NOX5: variants seen among roughly 807,000 people sequenced by gnomAD.
NOX5 encodes NADPH oxidase 5, also known as NADPH oxidase, EF-hand calcium binding domain 5.
NOX5 carries 76 observed loss-of-function variants against 85.7 expected under a neutral mutation model. The ratio of observed to expected loss-of-function variants is 0.89; its 90% CI spans 0.74 to 1.07. The LOEUF (loss-of-function observed/expected upper bound fraction) is 1.07, where lower values mean the gene tolerates loss of function less well. Ranked by LOEUF, NOX5 falls within the 50% of genes least tolerant of loss-of-function variation. The probability of loss-of-function intolerance (pLI) is 0.00; values close to 1 mark genes in which losing one functional copy is unlikely to be tolerated. For synonymous variants in NOX5, 405 were observed against 401.4 expected (o/e 1.01, Z -0.11); for missense variants, 973 against 999.5 (o/e 0.97, Z 0.36).
intron 10 of NOX5, among the ~76,000 whole-genome samples, chr15:69,045,586 C>CTTTCT (rs764805392): frequency 9.9e-4 from 84 of 84,994 alleles, no homozygotes; most frequent in Admixed American, 2.3e-3. Context: ...TCTTTCTTTT[C>CTTTCT]TTTCTTTCTT....
In NOX5 at chr15:69,055,480, G is replaced by C. The variant is rs567904993; in HGVS notation, c.2146G>C (p.Gly716Arg). The C allele has an allele frequency of 2.5e-6, 4 of 1,614,068 alleles. No homozygotes were observed. The highest frequency in any genetic ancestry group is 2.7e-5 in the African/African-American group (2 of 75,068). ...ITGLQTRTQP[G>R]RPDWSKVFQK... The stretch of plus-strand genomic sequence containing the variant: ...GGGGCTGCAGACGCGCACCCAGCCT[G>C]GGCGGCCTGACTGGAGCAAGGTAAT... Residue 716 changes from glycine (G) to arginine (R), a missense_variant, in exon 15 of 16, where the codon GGG becomes CGG. Transcript: ENST00000388866.
At chr15:69,047,189 T>G (rs1336158481) in intron 11 of NOX5, 9 of 607,600 alleles carry the variant, frequency 1.5e-5, no homozygotes, top group Non-Finnish European at 2.2e-5. Flanking sequence ...GTCCTTGTTT[T>G]CACTAGCTCT....
chr15:69,035,878 T>C lies in NOX5; in HGVS notation c.1130T>C (p.Leu377Pro). The C allele has an allele frequency of 1.2e-6, 2 of 1,614,174 alleles. No homozygotes were observed. Among genetic ancestry groups the C allele is most frequent in the African/African-American group, 1.3e-5 (1 of 75,074 alleles). Residue 377 changes from leucine (L) to proline (P), a missense_variant, in exon 7 of 16, where the codon CTG becomes CCG. By Grantham distance (98) the Leu-to-Pro change is moderately conservative. Coordinates refer to ENST00000388866, the MANE Select transcript of NOX5 (RefSeq NM_024505.4). ...CCGACAGGTGTCGCTCTGCTGCTGC[T>C]GCTCCTCCTCATGTTCATCTGCTCC... is the stretch of plus-strand genomic sequence containing the variant. ...ASPTGVALLL[L>P]LLLMFICSSS...
chr15:69,032,190 C>G (rs2050444393), intron 4 of NOX5, among the ~76,000 whole-genome samples: 2 of 152,210 alleles, frequency 1.3e-5, no homozygotes, highest in South Asian at 2.1e-4. Flanking sequence ...ATGCAGCAGG[C>G]ACTGTTCTGA....
chr15:69,043,474 C>A (rs1018259782), intron 10 of NOX5: 7 of 152,150 alleles, frequency 4.6e-5, no homozygotes, highest in African/African-American at 1.2e-4. Context: ...CATATGAAAA[C>A]CCTGCCATAG....
At chr15:69,053,242 T>C (rs1476467023) in intron 14 of NOX5, among the ~76,000 whole-genome samples, 1 of 152,250 alleles carries the variant, frequency 6.6e-6, no homozygotes, top group Admixed American at 6.5e-5. Context: ...GCATATTATT[T>C]AACTAGTTTG....
In NOX5 at chr15:69,026,540, C is replaced by G; in HGVS notation, c.63C>G (p.Ala21=). The stretch of plus-strand genomic sequence containing the variant: ...CTTTGCCTCCCAGCACCATGAGTGC[C>G]GAGGAGGATGCCAGGTGGCTCCGGT... The part of the protein sequence containing the change: ...GPEGCRGTMS[A]EEDARWLRWV... Residue 21 remains alanine (A), a synonymous_variant, in exon 2 of 16, where the codon GCC becomes GCG. Coordinates refer to ENST00000388866, the MANE Select transcript of NOX5 (RefSeq NM_024505.4). The G allele has an allele frequency of 1.9e-6, 3 of 1,614,080 alleles. No individual in the cohort carries two copies. Among genetic ancestry groups the G allele is most frequent in the East Asian group, 2.2e-5 (1 of 44,870 alleles).
chr15:69,031,649 T>C lies in NOX5; in HGVS notation c.457T>C (p.Cys153Arg), dbSNP rs769279947. The change falls in exon 4 of 16, where the codon TGT becomes CGT. Residue 153 changes from cysteine to arginine, a missense_variant. Physicochemically the swap from Cys to Arg is radical, Grantham distance 180. Transcript: ENST00000388866. ...PDELRTVLQS[C>R]LRESAISLPD... The stretch of plus-strand genomic sequence containing the variant: ...TGAGCTGCGCACTGTGCTGCAGTCG[T>C]GTCTGCGCGAGAGCGCCATCTCGCT... 1.2e-6 allele frequency: 2 copies of C among 1,613,386 alleles called. No homozygotes were observed.
intron 10 of NOX5, among the ~76,000 whole-genome samples, chr15:69,046,553 T>C (rs2050675974): frequency 6.6e-6 from 1 of 152,212 alleles, no homozygotes; most frequent in African/African-American, 2.4e-5. Context: ...ACACAGTTGT[T>C]ATGGTGGGAG....
Position 69,042,668 on chromosome 15 carries a change from A to G in NOX5, c.1510A>G (p.Ile504Val), listed in dbSNP as rs1312291321. 1.2e-5 allele frequency: 20 copies of G among 1,613,060 alleles called. No individual in the cohort carries two copies. In the East Asian group the frequency reaches 4.5e-4, roughly 36 times the overall value. The part of the protein sequence containing the change: ...ISSAPEQKDT[I>V]WLHIRSQGQW... ...CCCACTCTTCTCTTTCTCAGACACTATCTGGCTGCACATTCGGTCCCAAGG... is the reference window on the plus strand; with the variant it reads ...CCCACTCTTCTCTTTCTCAGACACTGTCTGGCTGCACATTCGGTCCCAAGG... Residue 504 changes from isoleucine (I) to valine (V), a missense_variant, in exon 10 of 16, where the codon ATC (isoleucine) becomes GTC (valine). Physicochemically the swap from Ile to Val is conservative, Grantham distance 29. Transcript: ENST00000388866.
chr15:69,031,630 G>C lies in NOX5; in HGVS notation c.438G>C (p.Leu146=). The change falls in exon 4 of 16, where the codon CTG becomes CTC. Residue 146 remains leucine, a synonymous_variant. Transcript: ENST00000388866. ...GTGGCTCCATTGACCCGGATGAGCT[G>C]CGCACTGTGCTGCAGTCGTGTCTGC... is the stretch of plus-strand genomic sequence containing the variant. ...TGSGSIDPDE[L]RTVLQSCLRE... 1 of 1,613,334 alleles carries C rather than the reference G, an allele frequency of 6.2e-7. No individual in the cohort carries two copies. The highest frequency in any genetic ancestry group is 8.5e-7 in the Non-Finnish European group (1 of 1,180,016).
chr15:69,025,604 T>C (rs1309579107), intron 1 of NOX5, among the ~76,000 whole-genome samples: 1 of 152,142 alleles, frequency 6.6e-6, no homozygotes, highest in Non-Finnish European at 1.5e-5. Context: ...TTTTAGGAAG[T>C]AGGCAGGTTT....
intron 5 of NOX5, among the ~76,000 whole-genome samples, chr15:69,034,032 C>T (rs905306729): frequency 6.6e-6 from 1 of 152,006 alleles, no homozygotes; most frequent in African/African-American, 2.4e-5. Flanking sequence ...ACCATTAAAA[C>T]AAAAGCCCTC....
At chr15:69,028,613 GACAAA>G (rs1203314623) in intron 3 of NOX5, 3 of 346,534 alleles carry the variant, frequency 8.7e-6, no homozygotes, top group African/African-American at 6.3e-5. Context: ...TGGCACAGGA[GACAAA>G]TGCCTTCTAT....
In NOX5 at chr15:69,059,128, A is replaced by C. The variant is rs2050847345; in HGVS notation, c.*2432A>C. The C allele has an allele frequency of 6.6e-6, 1 of 152,186 alleles. No individual in the cohort carries two copies. Among genetic ancestry groups the C allele is most frequent in the Admixed American group, 6.5e-5 (1 of 15,280 alleles). The allele number at this position is 152,186 out of a possible 1,614,324, so 9.4% of individuals were successfully genotyped here. A position where few individuals can be genotyped will look rare whatever the true frequency, so the allele number is the denominator to read the frequency against. The stretch of plus-strand genomic sequence containing the variant: ...TAGTCAGCTGTTCGTTTAGGACTTA[A>C]TAATATAGTGGGTGGGAGCAGGTGG... On this transcript the variant is annotated 3_prime_UTR_variant, in exon 16 of 16. Transcript: ENST00000388866.
rs1019335789 is a variant in NOX5 at position 69,033,886 on chromosome 15, G to T, written c.855+609G>T. On this transcript the variant is annotated intron_variant, in intron 5 of 15. Coordinates refer to ENST00000388866, the MANE Select transcript of NOX5 (RefSeq NM_024505.4). ...TTTTTATATTTTTAGTAGAGATGGGGTTTCACCATTTTGGCCAGGCTGGTC... is the reference window on the plus strand; with the variant it reads ...TTTTTATATTTTTAGTAGAGATGGGTTTTCACCATTTTGGCCAGGCTGGTC... 2.6e-5 allele frequency among the ~76,000 whole-genome samples: 4 copies of T among 151,964 alleles called. No homozygotes were observed. The East Asian group carries it at 7.8e-4, about 29-fold the overall frequency.
chr15:69,036,876 T>C (rs2654995), intron 7 of NOX5, 152 bp from the exon 8 acceptor site: 583,128 of 638,312 alleles, frequency 0.91, 269,163 homozygotes, highest in Middle Eastern at 0.96. Flanking sequence ...AAAAGAAGCT[T>C]CCCAGCCCCA....
chr15:69,023,906 A>T (rs938828011), intron 1 of NOX5: 1 of 192,720 alleles, frequency 5.2e-6, no homozygotes. Context: ...TCTCGCAACC[A>T]TTGCATCTTG....
At chr15:69,023,398 A>G in intron 1 of NOX5, 2 of 359,870 alleles carry the variant, frequency 5.6e-6, no homozygotes, top group South Asian at 5.2e-5. Context: ...AGGCCTCTAT[A>G]GCTCAGGTAA....
Sources: gnomAD v4.1 joint callset for allele counts (sites outside exome capture counted in the v4.1 genomes callset) on GRCh38, gnomAD v4.1.1 for gene constraint, MANE v1.5 for transcripts, NCBI Gene and HGNC (gene_info 2026-07-23, HGNC 2026-07-21) for gene names.